The following NCKAP5 variants were observed in gnomAD, a reference collection of about 807,000 sequenced individuals.
The protein encoded by NCKAP5 is nck-associated protein 5.
In NCKAP5, 92 loss-of-function variants were observed where a neutral mutation model predicts 167.0. The ratio of observed to expected loss-of-function variants is 0.55; its 90% CI spans 0.47 to 0.66. NCKAP5 has a LOEUF of 0.66. Ranked by LOEUF, NCKAP5 falls within the 30% of genes least tolerant of loss-of-function variation. The pLI is 0.00. For missense variants in NCKAP5, 2,378 were observed against 2,315.0 expected (o/e 1.03, Z -0.56); for synonymous variants, 891 against 877.4 (o/e 1.02, Z -0.27).
chr2:133,516,386 C>T (rs1268939327), intron 3 of NCKAP5, among the ~76,000 whole-genome samples: 3 of 152,104 alleles, frequency 2.0e-5, no homozygotes, highest in Admixed American at 2.0e-4. Flanking sequence ...CTGAAATACA[C>T]CAAAGTTGGC....
intron 8 of NCKAP5, among the ~76,000 whole-genome samples, chr2:132,901,707 T>C (rs1693641445): frequency 6.6e-6 from 1 of 152,244 alleles, no homozygotes; most frequent in Non-Finnish European, 1.5e-5. Context: ...TGTTAACTTT[T>C]AAAGATGAAG....
intron 6 of NCKAP5, among the ~76,000 whole-genome samples, chr2:133,119,478 G>A (rs1162661563): frequency 6.6e-6 from 1 of 152,074 alleles, no homozygotes; most frequent in Non-Finnish European, 1.5e-5. Flanking sequence ...TAGATCAGTA[G>A]GGTAAATATA....
intron 3 of NCKAP5, among the ~76,000 whole-genome samples, chr2:133,514,571 T>C (rs1683821155): frequency 6.6e-6 from 1 of 152,248 alleles, no homozygotes; most frequent in Non-Finnish European, 1.5e-5. Flanking sequence ...ATGAAGTTAA[T>C]AGCACCTTAT....
At chr2:132,971,496 C>T (rs1332591661) in intron 7 of NCKAP5, among the ~76,000 whole-genome samples, 1 of 152,236 alleles carries the variant, frequency 6.6e-6, no homozygotes, top group East Asian at 1.9e-4. Flanking sequence ...AGTATGGCAG[C>T]AGTGAGGGTA....
intron 5 of NCKAP5, among the ~76,000 whole-genome samples, chr2:133,138,403 T>C (rs1047271444): frequency 5.9e-5 from 9 of 152,192 alleles, no homozygotes; most frequent in Non-Finnish European, 1.3e-4. Context: ...AATAATAAAA[T>C]GGTAACACTG....
At chr2:133,658,889 T>C in the NCKAP5 span, among the ~76,000 whole-genome samples, 1 of 151,978 alleles carries the variant, frequency 6.6e-6, no homozygotes, top group Admixed American at 6.6e-5. Flanking sequence ...TGAGGTCATC[T>C]GCTTGTAGGA....
chr2:132,886,101 TCTCA>T (rs1234948232), intron 8 of NCKAP5, among the ~76,000 whole-genome samples: 1 of 152,174 alleles, frequency 6.6e-6, no homozygotes, highest in African/African-American at 2.4e-5. Flanking sequence ...CCTTTCTAAA[TCTCA>T]CTCAGTTTTG....
At chr2:132,851,103 T>C (rs559878890) in intron 11 of NCKAP5, among the ~76,000 whole-genome samples, 4 of 152,108 alleles carry the variant, frequency 2.6e-5, no homozygotes, top group Non-Finnish European at 4.4e-5. Context: ...AGGTAAGACA[T>C]ACAAACTGCT....
chr2:132,738,967 T>G (rs1691778519), intron 16 of NCKAP5, among the ~76,000 whole-genome samples: 1 of 152,182 alleles, frequency 6.6e-6, no homozygotes, highest in South Asian at 2.1e-4. Context: ...GGGGTCACAA[T>G]TCAACATGAG....
intron 8 of NCKAP5, chr2:132,931,046 C>T (rs1696337289): frequency 6.6e-6 from 1 of 152,156 alleles, no homozygotes; most frequent in Non-Finnish European, 1.5e-5. Flanking sequence ...TGCACCATTC[C>T]AAATCAACCT....
chr2:133,618,599 A>T, the NCKAP5 span, among the ~76,000 whole-genome samples: 1 of 151,980 alleles, frequency 6.6e-6, no homozygotes, highest in Admixed American at 6.6e-5. Flanking sequence ...TCAAAACCAC[A>T]ATGAGATACC....
chr2:133,540,832 A>T (rs1686162939), intron 2 of NCKAP5, among the ~76,000 whole-genome samples: 1 of 148,420 alleles, frequency 6.7e-6, no homozygotes, highest in African/African-American at 2.5e-5. Flanking sequence ...GCTACTCGGG[A>T]GGCTGAGGCA....
chr2:132,977,731 A>C (rs1183179566), intron 7 of NCKAP5, among the ~76,000 whole-genome samples: 1 of 152,246 alleles, frequency 6.6e-6, no homozygotes, highest in African/African-American at 2.4e-5. Flanking sequence ...ATGGAACTTA[A>C]GGATAAAGCA....
intron 3 of NCKAP5, among the ~76,000 whole-genome samples, chr2:133,360,171 TAGAG>T (rs1685005101): frequency 6.6e-6 from 1 of 152,212 alleles, no homozygotes; most frequent in Non-Finnish European, 1.5e-5. Context: ...GATTGATTTT[TAGAG>T]AGAAACATTC....
At chr2:133,582,818 C>T in the NCKAP5 span, among the ~76,000 whole-genome samples, 1 of 152,176 alleles carries the variant, frequency 6.6e-6, no homozygotes, top group Non-Finnish European at 1.5e-5. Context: ...ACCTCAAATA[C>T]TCTCTCTAAA....
chr2:133,467,662 C>G (rs1206651699), intron 3 of NCKAP5, among the ~76,000 whole-genome samples: 1 of 150,190 alleles, frequency 6.7e-6, no homozygotes, highest in Non-Finnish European at 1.5e-5. Context: ...GGTTGGTAAG[C>G]TATTGATTAT....
chr2:132,688,722 C>G (rs1353422911), intron 19 of NCKAP5, among the ~76,000 whole-genome samples: 2 of 152,026 alleles, frequency 1.3e-5, no homozygotes, highest in African/African-American at 4.8e-5. Context: ...CACAGGACTT[C>G]ATTTTAAAAG....
intron 3 of NCKAP5, among the ~76,000 whole-genome samples, chr2:133,405,559 G>T (rs1688372394): frequency 6.6e-6 from 1 of 152,208 alleles, no homozygotes; most frequent in Non-Finnish European, 1.5e-5. Context: ...ATGTGCATGG[G>T]GAGACTTCAA....
the NCKAP5 span, among the ~76,000 whole-genome samples, chr2:133,620,640 A>C: frequency 6.6e-6 from 1 of 152,152 alleles, no homozygotes; most frequent in African/African-American, 2.4e-5. Flanking sequence ...ACTAGACCTA[A>C]GAAATAAGAC....
Sources: allele counts gnomAD v4.1 joint callset (sites outside exome capture counted in the v4.1 genomes callset), GRCh38; gene constraint gnomAD v4.1.1; transcripts MANE v1.5; gene names NCBI Gene and HGNC (gene_info 2026-07-23, HGNC 2026-07-21).